Variants in SIPA1L2 observed in about 807,000 individuals in gnomAD.
SIPA1L2 encodes the protein signal-induced proliferation-associated 1-like protein 2.
A neutral mutation model predicts 163.9 loss-of-function variants in SIPA1L2; 56 were observed. That is an observed-to-expected ratio of 0.34 (90% CI 0.28 to 0.43). The LOEUF is 0.43. Ranked by LOEUF, SIPA1L2 falls within the 20% of genes least tolerant of loss-of-function variation. SIPA1L2 has a pLI of 1.00. For synonymous variants in SIPA1L2, 877 were observed against 865.7 expected (o/e 1.01, Z -0.23); for missense variants, 1,974 against 2,193.5 (o/e 0.90, Z 2.00).
intron 15 of SIPA1L2, among the ~76,000 whole-genome samples, chr1:232,433,781 C>T (rs563268258): frequency 7.9e-5 from 12 of 152,250 alleles, no homozygotes; most frequent in African/African-American, 1.9e-4. Flanking sequence ...CTAATCTCAG[C>T]GTTCAGAAAG....
intron 18 of SIPA1L2, among the ~76,000 whole-genome samples, chr1:232,421,994 T>C (rs965519055): frequency 8.5e-5 from 13 of 152,190 alleles, no homozygotes; most frequent in African/African-American, 3.1e-4. Flanking sequence ...ATGCTTGGGA[T>C]TGTGCTGAAT....
intron 12 of SIPA1L2, among the ~76,000 whole-genome samples, chr1:232,442,968 G>A (rs76199609): frequency 0.013 from 2,038 of 152,234 alleles, 42 homozygotes; most frequent in African/African-American, 0.047. Context: ...CCCACTGACC[G>A]GCCATTCTCT....
chr1:232,534,364 C>T (rs1657174216), intron 2 of SIPA1L2, among the ~76,000 whole-genome samples: 1 of 152,182 alleles, frequency 6.6e-6, no homozygotes. Context: ...GGACCTTCAG[C>T]TAACGGCATA....
At chr1:232,591,130 G>GA (rs1422959218) in intron 1 of SIPA1L2, among the ~76,000 whole-genome samples, 1 of 152,144 alleles carries the variant, frequency 6.6e-6, no homozygotes, top group Non-Finnish European at 1.5e-5. Flanking sequence ...CACCCTATCT[G>GA]AAAATAGCAG....
chr1:232,589,148 G>T (rs1319129812), intron 1 of SIPA1L2, among the ~76,000 whole-genome samples: 1 of 152,222 alleles, frequency 6.6e-6, no homozygotes, highest in Non-Finnish European at 1.5e-5. Context: ...CATAAAGCAG[G>T]TGAGCTAAAA....
chr1:232,416,712 T>C (rs1661285295), intron 18 of SIPA1L2, among the ~76,000 whole-genome samples: 1 of 152,218 alleles, frequency 6.6e-6, no homozygotes, highest in Admixed American at 6.5e-5. Flanking sequence ...GAGGATGCTA[T>C]TTGATATACA....
chr1:232,445,856 C>T (rs1417103450), intron 10 of SIPA1L2, 70 bp from the exon 11 acceptor site: 1 of 1,553,376 alleles, frequency 6.4e-7, no homozygotes, highest in Admixed American at 1.8e-5. Flanking sequence ...TTACTCACAG[C>T]TGGGCCCCTC....
At chr1:232,425,921 T>C in intron 17 of SIPA1L2, 113 bp from the exon 18 acceptor site, 1 of 947,182 alleles carries the variant, frequency 1.1e-6, no homozygotes, top group South Asian at 1.7e-5. Flanking sequence ...TTCTTTGAGT[T>C]TTCTCTGTTA....
intron 5 of SIPA1L2, among the ~76,000 whole-genome samples, chr1:232,489,826 C>T (rs1260838279): frequency 6.6e-6 from 1 of 152,194 alleles, no homozygotes; most frequent in South Asian, 2.1e-4. Flanking sequence ...AAGTTGCATG[C>T]ACTTGAGCAT....
chr1:232,479,038 A>C (rs1224454950), intron 7 of SIPA1L2, among the ~76,000 whole-genome samples: 2 of 152,360 alleles, frequency 1.3e-5, no homozygotes, highest in South Asian at 2.1e-4. Context: ...TGCAAAAAAA[A>C]CTTGCTTGAC....
At chr1:232,444,076 T>C (rs1193865381) in intron 11 of SIPA1L2, among the ~76,000 whole-genome samples, 1 of 152,244 alleles carries the variant, frequency 6.6e-6, no homozygotes, top group Admixed American at 6.5e-5. Context: ...TTTAGTTCTA[T>C]ACTTAAAACT....
chr1:232,565,397 A>G (rs946221621), intron 2 of SIPA1L2, among the ~76,000 whole-genome samples: 1 of 152,242 alleles, frequency 6.6e-6, no homozygotes. Flanking sequence ...AGAGCCTGAC[A>G]CTAGAATCTC....
At chr1:232,547,384 C>G (rs59115844) in intron 2 of SIPA1L2, among the ~76,000 whole-genome samples, 6,257 of 150,656 alleles carry the variant, frequency 0.042, 424 homozygotes, top group African/African-American at 0.14. Context: ...TCATCCTTTC[C>G]GGGTAAGGTG....
chr1:232,441,921 G>T, intron 12 of SIPA1L2, 53 bp from the exon 13 acceptor site: 1 of 1,477,386 alleles, frequency 6.8e-7, no homozygotes, highest in Non-Finnish European at 9.3e-7. Flanking sequence ...CCACCTGCCA[G>T]CATGCACACG....
At chr1:232,536,508 G>A (rs1657316845) in intron 2 of SIPA1L2, among the ~76,000 whole-genome samples, 1 of 152,168 alleles carries the variant, frequency 6.6e-6, no homozygotes, top group Non-Finnish European at 1.5e-5. Flanking sequence ...GATGGTATGT[G>A]ACACCAGTGA....
chr1:232,444,068 T>C (rs1455313747), intron 11 of SIPA1L2, among the ~76,000 whole-genome samples: 1 of 152,260 alleles, frequency 6.6e-6, no homozygotes, highest in Non-Finnish European at 1.5e-5. Context: ...AGTCACGTTT[T>C]AGTTCTATAC....
Position 232,473,678 on chromosome 1 carries a change from T to C in SIPA1L2, c.2086-2150A>G, listed in dbSNP as rs192669048. 3.9e-5 allele frequency among the ~76,000 whole-genome samples: 6 copies of C among 152,362 alleles called. No homozygotes were observed. In the East Asian group the frequency reaches 1.2e-3, roughly 29 times the overall value. ...ACATGCCAAACCACTGTTGTCCCTT[T>C]CTAGACACATTCTTTTGCTTTGTAA... is the stretch of plus-strand genomic sequence containing the variant. On this transcript the variant is annotated intron_variant, in intron 7 of 22. Coordinates refer to ENST00000674635, the MANE Select transcript of SIPA1L2 (RefSeq NM_020808.5).
chr1:232,515,845 TC>T (rs774355111), intron 2 of SIPA1L2, among the ~76,000 whole-genome samples: 3 of 152,204 alleles, frequency 2.0e-5, no homozygotes, highest in Admixed American at 6.5e-5. Context: ...CTAGGATGTC[TC>T]CCACCCTAAT....
chr1:232,525,708 C>T (rs1471940097), intron 2 of SIPA1L2, among the ~76,000 whole-genome samples: 1 of 152,172 alleles, frequency 6.6e-6, no homozygotes, highest in Admixed American at 6.5e-5. Context: ...GGACCCTCAG[C>T]AGGCCACTTA....
Sources: allele counts gnomAD v4.1 joint callset (sites outside exome capture counted in the v4.1 genomes callset), GRCh38; gene constraint gnomAD v4.1.1; transcripts MANE v1.5; gene names NCBI Gene and HGNC (gene_info 2026-07-23, HGNC 2026-07-21).